Variants in SPAG16 observed in about 807,000 individuals in gnomAD.
SPAG16 encodes the protein sperm associated antigen 16, also known as sperm-associated antigen 16 protein.
A neutral mutation model predicts 80.4 loss-of-function variants in SPAG16; 86 were observed. The observed-to-expected ratio is 1.07, with a 90% CI of 0.90 to 1.28. The LOEUF is 1.28. Ranked by LOEUF, SPAG16 falls within the 50% of genes most tolerant of loss-of-function variation. SPAG16 has a pLI of 0.00. For synonymous variants in SPAG16, 294 were observed against 265.9 expected (o/e 1.11, Z -1.03); for missense variants, 870 against 765.3 (o/e 1.14, Z -1.61).
chr2:213,697,226 A>C (rs963558469), intron 10 of SPAG16, among the ~76,000 whole-genome samples: 1 of 152,222 alleles, frequency 6.6e-6, no homozygotes, highest in African/African-American at 2.4e-5. Context: ...TGGGTGGAAA[A>C]GAGGTAGGGC....
At chr2:213,371,135 G>C (rs1023376770) in intron 8 of SPAG16, among the ~76,000 whole-genome samples, 1 of 152,108 alleles carries the variant, frequency 6.6e-6, no homozygotes, top group South Asian at 2.1e-4. Flanking sequence ...GAGGCTGTGC[G>C]TGGTGGCTCA....
At chr2:213,788,873 G>A (rs111557103) in intron 10 of SPAG16, among the ~76,000 whole-genome samples, 1 of 151,666 alleles carries the variant, frequency 6.6e-6, no homozygotes, top group Non-Finnish European at 1.5e-5. Context: ...CTTTATGAGT[G>A]ATTCTCAAAT....
intron 10 of SPAG16, among the ~76,000 whole-genome samples, chr2:213,539,198 A>G (rs2076347447): frequency 6.6e-6 from 1 of 152,178 alleles, no homozygotes; most frequent in African/African-American, 2.4e-5. Flanking sequence ...ATAGTACAAC[A>G]TTCTCTTCAG....
At position 213,877,921 on chromosome 2, in the gene SPAG16, T is replaced by C. The variant is rs78636480; in HGVS notation, c.1214+15293T>C. 5.6e-3 allele frequency among the ~76,000 whole-genome samples: 857 copies of C among 152,234 alleles called. 8 individuals carry two copies. The highest frequency in any genetic ancestry group is 0.02 in the African/African-American group (834 of 41,542). On this transcript the variant is annotated intron_variant, in intron 11 of 15. Transcript: ENST00000331683. ...CTGCAACCACACTGTCACTATCTGT[T>C]ATTTATGGAAAGACAAAAGTGATAC...
At chr2:214,337,381 T>A (rs936122365) in intron 15 of SPAG16, among the ~76,000 whole-genome samples, 3 of 152,090 alleles carry the variant, frequency 2.0e-5, no homozygotes, top group African/African-American at 7.2e-5. Context: ...ACTCAAAAAA[T>A]TGACTTTGAA....
At chr2:213,420,409 A>AGAAGAAAATGGGTTGCT (rs1371812032) in intron 9 of SPAG16, among the ~76,000 whole-genome samples, 1 of 152,256 alleles carries the variant, frequency 6.6e-6, no homozygotes, top group Non-Finnish European at 1.5e-5. Flanking sequence ...AAAAGAGAAC[A>AGAAGAAAATGGGTTGCT]GAAGAAAATG....
intron 15 of SPAG16, among the ~76,000 whole-genome samples, chr2:214,347,764 A>G (rs1409430786): frequency 6.6e-6 from 1 of 152,214 alleles, no homozygotes; most frequent in Non-Finnish European, 1.5e-5. Flanking sequence ...AAGGAATTAT[A>G]TCAGCTTGGA....
intron 10 of SPAG16, among the ~76,000 whole-genome samples, chr2:213,773,444 A>C (rs966186760): frequency 6.6e-6 from 1 of 152,208 alleles, no homozygotes; most frequent in African/African-American, 2.4e-5. Flanking sequence ...TCATGTAACT[A>C]GTATATCCAT....
intron 15 of SPAG16, among the ~76,000 whole-genome samples, chr2:214,260,532 C>T (rs867526665): frequency 4.6e-5 from 6 of 131,274 alleles, no homozygotes; most frequent in Middle Eastern, 3.8e-3. Context: ...ACACTGGCAT[C>T]CATTAAAAGT....
intron 10 of SPAG16, among the ~76,000 whole-genome samples, chr2:213,791,511 A>G (rs1190924243): frequency 1.3e-5 from 2 of 152,156 alleles, no homozygotes; most frequent in Admixed American, 6.5e-5. Flanking sequence ...CTTAAAGGAT[A>G]CACAAAATAA....
intron 15 of SPAG16, among the ~76,000 whole-genome samples, chr2:214,399,768 T>C (rs1163310781): frequency 6.6e-6 from 1 of 152,116 alleles, no homozygotes; most frequent in Non-Finnish European, 1.5e-5. Flanking sequence ...CAAAGAAGAA[T>C]ATATCATAGT....
intron 10 of SPAG16, among the ~76,000 whole-genome samples, chr2:213,657,770 A>C (rs1045831193): frequency 6.6e-6 from 1 of 152,216 alleles, no homozygotes; most frequent in African/African-American, 2.4e-5. Context: ...GTTACAACCT[A>C]TTCTCTATAA....
chr2:213,671,119 T>C (rs892038199), intron 10 of SPAG16, among the ~76,000 whole-genome samples: 1 of 152,250 alleles, frequency 6.6e-6, no homozygotes, highest in African/African-American at 2.4e-5. Flanking sequence ...TTACATGGAA[T>C]AGTCACTTTG....
chr2:213,699,900 G>T (rs1408356516), intron 10 of SPAG16, among the ~76,000 whole-genome samples: 1 of 152,160 alleles, frequency 6.6e-6, no homozygotes, highest in Non-Finnish European at 1.5e-5. Context: ...TATAATTTGT[G>T]TGAGTCTGAT....
At chr2:214,261,107 C>CAAAAAAAAAAAA (rs558534808) in intron 15 of SPAG16, among the ~76,000 whole-genome samples, 14 of 54,470 alleles carry the variant, frequency 2.6e-4, no homozygotes, top group East Asian at 6.4e-4. Flanking sequence ...GACTCAGTCT[C>CAAAAAAAAAAAA]AAAAAAAAAA....
At chr2:214,237,801 T>C (rs767743525) in intron 15 of SPAG16, among the ~76,000 whole-genome samples, 5 of 152,034 alleles carry the variant, frequency 3.3e-5, no homozygotes, top group African/African-American at 1.2e-4. Context: ...TATTATAGTG[T>C]AAAAGTATGA....
At chr2:214,032,596 T>G (rs1165517404) in intron 13 of SPAG16, among the ~76,000 whole-genome samples, 2 of 152,190 alleles carry the variant, frequency 1.3e-5, no homozygotes, top group African/African-American at 4.8e-5. Context: ...TAGGAAGAAC[T>G]TAAGTGCTAC....
chr2:213,860,003 T>C (rs2105938846), intron 10 of SPAG16, among the ~76,000 whole-genome samples: 1 of 152,092 alleles, frequency 6.6e-6, no homozygotes, highest in Non-Finnish European at 1.5e-5. Flanking sequence ...TTGATGATGA[T>C]GATGATGATG....
At chr2:213,336,737 A>G (rs2064383721) in intron 5 of SPAG16, among the ~76,000 whole-genome samples, 1 of 152,128 alleles carries the variant, frequency 6.6e-6, no homozygotes. Context: ...GAACTTTGAT[A>G]TCCCTGAGAG....
Sources: allele counts gnomAD v4.1 joint callset (sites outside exome capture counted in the v4.1 genomes callset), GRCh38; gene constraint gnomAD v4.1.1; transcripts MANE v1.5; gene names NCBI Gene and HGNC (gene_info 2026-07-23, HGNC 2026-07-21).